The following DOCK3 variants were observed in gnomAD, a reference collection of about 807,000 sequenced individuals.
The protein encoded by DOCK3 is dedicator of cytokinesis protein 3.
Under a neutral mutation model 265.6 loss-of-function variants are expected in DOCK3, and 60 were observed. That is an observed-to-expected ratio of 0.23 (90% CI 0.18 to 0.28). The LOEUF (loss-of-function observed/expected upper bound fraction) is 0.28, where lower values mean the gene tolerates loss of function less well. DOCK3 is among the 10% of genes least tolerant of loss of function. The probability of loss-of-function intolerance (pLI) is 1.00; values close to 1 mark genes in which losing one functional copy is unlikely to be tolerated. For missense variants in DOCK3, 1,981 were observed against 2,594.3 expected (o/e 0.76, Z 5.14); for synonymous variants, 881 against 938.0 (o/e 0.94, Z 1.11).
intron 22 of DOCK3, among the ~76,000 whole-genome samples, chr3:51,252,428 A>C (rs1443009162): frequency 6.6e-6 from 1 of 152,208 alleles, no homozygotes; most frequent in African/African-American, 2.4e-5. Context: ...TGGGGATGGC[A>C]TTGAATCTAT....
intron 12 of DOCK3, among the ~76,000 whole-genome samples, chr3:51,173,510 G>A (rs1198516954): frequency 6.6e-6 from 1 of 152,194 alleles, no homozygotes; most frequent in Non-Finnish European, 1.5e-5. Flanking sequence ...TTCTGAAAAG[G>A]CAGGTCTAGT....
chr3:50,838,696 G>A (rs2045652882), intron 2 of DOCK3, among the ~76,000 whole-genome samples: 1 of 152,180 alleles, frequency 6.6e-6, no homozygotes, highest in African/African-American at 2.4e-5. Context: ...ATACTTCAGT[G>A]TACTGGTTCA....
At chr3:50,816,372 C>T (rs554418271) in intron 2 of DOCK3, among the ~76,000 whole-genome samples, 27 of 141,114 alleles carry the variant, frequency 1.9e-4, no homozygotes, top group Non-Finnish European at 2.6e-4. Flanking sequence ...CCCAGGCTGG[C>T]GTGCAATGGT....
intron 22 of DOCK3, among the ~76,000 whole-genome samples, chr3:51,256,427 T>C (rs549007028): frequency 5.3e-5 from 8 of 152,066 alleles, no homozygotes; most frequent in African/African-American, 1.9e-4. Flanking sequence ...CATGCCACCA[T>C]GCCCAGCTAA....
At chr3:51,364,631 T>A (rs1044274144) in intron 49 of DOCK3, among the ~76,000 whole-genome samples, 1 of 152,262 alleles carries the variant, frequency 6.6e-6, no homozygotes, top group Non-Finnish European at 1.5e-5. Context: ...AACATTTAAG[T>A]CTTTAATCCA....
chr3:50,913,004 C>A (rs1368092077), intron 4 of DOCK3, among the ~76,000 whole-genome samples: 2 of 152,078 alleles, frequency 1.3e-5, no homozygotes, highest in Admixed American at 1.3e-4. Context: ...TTCCCCTCCA[C>A]TTTTCTCAAG....
intron 27 of DOCK3, among the ~76,000 whole-genome samples, chr3:51,307,878 G>GTTTTTTTTTTTTT (rs1197872774): frequency 2.4e-5 from 1 of 42,022 alleles, no homozygotes; most frequent in Non-Finnish European, 5.5e-5. Context: ...AAATTATATG[G>GTTTTTTTTTTTTT]GTTTTTTTTT....
chr3:51,237,683 C>A, intron 21 of DOCK3, 93 bp downstream of exon 21: 1 of 1,128,892 alleles, frequency 8.9e-7, no homozygotes, highest in Non-Finnish European at 1.3e-6. Context: ...TTAAAAAGTT[C>A]AGCTGACTTT....
chr3:50,880,181 A>G (rs576159727), intron 3 of DOCK3, among the ~76,000 whole-genome samples: 1 of 152,360 alleles, frequency 6.6e-6, no homozygotes, highest in African/African-American at 2.4e-5. Flanking sequence ...AGAAAGCAGG[A>G]AAGTTCTAAA....
chr3:50,980,551 A>G (rs2077652243), intron 5 of DOCK3, among the ~76,000 whole-genome samples: 1 of 152,138 alleles, frequency 6.6e-6, no homozygotes, highest in African/African-American at 2.4e-5. Flanking sequence ...TTTTCTTTAT[A>G]AGTTTGATAG....
intron 4 of DOCK3, among the ~76,000 whole-genome samples, chr3:50,907,785 C>T (rs1032201959): frequency 6.6e-6 from 1 of 151,982 alleles, no homozygotes; most frequent in African/African-American, 2.4e-5. Flanking sequence ...TGAATTTGAT[C>T]CTGTCATTAT....
chr3:51,018,858 C>G (rs75313460), intron 5 of DOCK3, among the ~76,000 whole-genome samples: 8,850 of 151,732 alleles, frequency 0.058, 1,070 homozygotes, highest in African/African-American at 0.2. Context: ...AAAAAATTAC[C>G]AGTGTTTTTA....
intron 5 of DOCK3, among the ~76,000 whole-genome samples, chr3:50,966,961 T>C (rs2077052128): frequency 6.6e-6 from 1 of 152,246 alleles, no homozygotes; most frequent in Non-Finnish European, 1.5e-5. Context: ...AAAATCTTTT[T>C]ATTGATACAT....
chr3:51,076,426 C>A (rs1442459049), intron 7 of DOCK3, among the ~76,000 whole-genome samples: 1 of 152,130 alleles, frequency 6.6e-6, no homozygotes, highest in Non-Finnish European at 1.5e-5. Flanking sequence ...CATAGTGAGA[C>A]CCATCTATTT....
intron 12 of DOCK3, among the ~76,000 whole-genome samples, chr3:51,179,706 T>A (rs1221626685): frequency 6.6e-6 from 1 of 151,860 alleles, no homozygotes; most frequent in Non-Finnish European, 1.5e-5. Context: ...AGTCCAGGAA[T>A]TCAGGACCAG....
At chr3:50,803,524 T>G (rs1246313658) in intron 2 of DOCK3, among the ~76,000 whole-genome samples, 1 of 151,430 alleles carries the variant, frequency 6.6e-6, no homozygotes, top group East Asian at 1.9e-4. Context: ...TCCCCACACT[T>G]CCCCCCCTTC....
chr3:50,720,432 C>A (rs2037404904), intron 1 of DOCK3, among the ~76,000 whole-genome samples: 1 of 152,098 alleles, frequency 6.6e-6, no homozygotes, highest in Non-Finnish European at 1.5e-5. Context: ...GGGAAAATGG[C>A]CTCCAGCTCC....
intron 1 of DOCK3, among the ~76,000 whole-genome samples, chr3:50,684,817 T>G (rs1029697268): frequency 6.6e-6 from 1 of 152,242 alleles, no homozygotes; most frequent in Non-Finnish European, 1.5e-5. Context: ...ATGACTTATC[T>G]AGTCTTTTCT....
At chr3:51,141,407 A>T (rs1389333152) in intron 9 of DOCK3, among the ~76,000 whole-genome samples, 1 of 151,912 alleles carries the variant, frequency 6.6e-6, no homozygotes, top group Non-Finnish European at 1.5e-5. Flanking sequence ...AGCAGTTATA[A>T]TAAAGATGTA....
Sources: allele counts gnomAD v4.1 joint callset (sites outside exome capture counted in the v4.1 genomes callset), GRCh38; gene constraint gnomAD v4.1.1; transcripts MANE v1.5; gene names NCBI Gene and HGNC (gene_info 2026-07-23, HGNC 2026-07-21).